Variants in PBX1 observed in about 807,000 individuals in gnomAD.
PBX1 encodes the protein pre-B-cell leukemia transcription factor 1.
A neutral mutation model predicts 53.4 loss-of-function variants in PBX1; 6 were observed. The ratio of observed to expected loss-of-function variants is 0.11; its 90% CI spans 0.06 to 0.22. The LOEUF (loss-of-function observed/expected upper bound fraction) is 0.22, where lower values mean the gene tolerates loss of function less well. Ranked by LOEUF, PBX1 falls within the 10% of genes least tolerant of loss-of-function variation. The pLI is 1.00. For synonymous variants in PBX1, 204 were observed against 212.3 expected (o/e 0.96, Z 0.34); for missense variants, 251 against 551.4 (o/e 0.46, Z 5.46).
chr1:164,664,355 G>C (rs796833035), intron 2 of PBX1, among the ~76,000 whole-genome samples: 16 of 152,244 alleles, frequency 1.1e-4, no homozygotes, highest in African/African-American at 3.9e-4. Flanking sequence ...TGCTGCCTTT[G>C]ACAACTGGTG....
intron 2 of PBX1, among the ~76,000 whole-genome samples, chr1:164,766,316 G>A (rs1667055719): frequency 6.6e-6 from 1 of 152,220 alleles, no homozygotes; most frequent in African/African-American, 2.4e-5. Context: ...CATCATTACA[G>A]ATTTAAGAAG....
intron 2 of PBX1, among the ~76,000 whole-genome samples, chr1:164,570,616 AT>A (rs1199986583): frequency 6.6e-6 from 1 of 152,176 alleles, no homozygotes; most frequent in Non-Finnish European, 1.5e-5. Flanking sequence ...ATTGATGGGC[AT>A]TTTGGTTGGT....
At chr1:164,874,217 TAA>T (rs956217976) in intron 2 of PBX1, among the ~76,000 whole-genome samples, 8 of 152,170 alleles carry the variant, frequency 5.3e-5, no homozygotes, top group Non-Finnish European at 8.8e-5. Context: ...GAATATAACT[TAA>T]TATAAGAACT....
chr1:164,876,432 G>C (rs1672512420), intron 2 of PBX1, among the ~76,000 whole-genome samples: 1 of 151,580 alleles, frequency 6.6e-6, no homozygotes, highest in Non-Finnish European at 1.5e-5. Context: ...ATTCTGGCCA[G>C]CTTGAAGAGG....
At chr1:164,656,563 A>G (rs1660179306) in intron 2 of PBX1, among the ~76,000 whole-genome samples, 1 of 152,150 alleles carries the variant, frequency 6.6e-6, no homozygotes, top group South Asian at 2.1e-4. Context: ...TAGACAAATT[A>G]TGAGGGGAAA....
At chr1:164,670,912 T>C (rs1661077639) in intron 2 of PBX1, among the ~76,000 whole-genome samples, 1 of 152,186 alleles carries the variant, frequency 6.6e-6, no homozygotes, top group South Asian at 2.1e-4. Context: ...CCTTATCTAA[T>C]GCAAATGGAG....
At chr1:164,667,499 A>G (rs1228649822) in intron 2 of PBX1, among the ~76,000 whole-genome samples, 1 of 152,138 alleles carries the variant, frequency 6.6e-6, no homozygotes, top group Non-Finnish European at 1.5e-5. Flanking sequence ...GCAGAACTAC[A>G]GAGAAGCAGT....
chr1:164,677,282 C>T (rs926781615), intron 2 of PBX1, among the ~76,000 whole-genome samples: 48 of 151,120 alleles, frequency 3.2e-4, no homozygotes, highest in Non-Finnish European at 6.0e-4. Flanking sequence ...TTAGTAGAGA[C>T]GGGGTTTCAC....
At position 164,584,934 on chromosome 1, in the gene PBX1, G is replaced by A. The variant is rs1654856954; in HGVS notation, c.265+21623G>A. Among the ~76,000 whole-genome samples the A allele has an allele frequency of 2.0e-5, 3 of 152,082 alleles. 1 individual carries two copies. The South Asian group carries it at 6.2e-4, about 32-fold the overall frequency. On this transcript the variant is annotated intron_variant, in intron 2 of 8. Coordinates refer to ENST00000420696, the MANE Select transcript of PBX1 (RefSeq NM_002585.4). ...CTAAACTAATTTTCTGTCTGTTCAT[G>A]TTGACCTTTTGTCCAGTTTTCCTCC...
chr1:164,790,402 A>G (rs1208831808), intron 2 of PBX1, among the ~76,000 whole-genome samples: 1 of 152,150 alleles, frequency 6.6e-6, no homozygotes, highest in East Asian at 1.9e-4. Context: ...CACTATGGCA[A>G]TTTTGTTTTT....
chr1:164,604,496 G>T (rs1348103435), intron 2 of PBX1, among the ~76,000 whole-genome samples: 1 of 152,186 alleles, frequency 6.6e-6, no homozygotes, highest in Non-Finnish European at 1.5e-5. Flanking sequence ...TGCCCTGCCA[G>T]TCAGGCCAGC....
rs150938398 is a variant in PBX1 at position 164,665,760 on chromosome 1, G to A, written c.265+102449G>A. On this transcript the variant is annotated intron_variant, in intron 2 of 8. Transcript: ENST00000420696. ...CTCAGGACCTAACATCAGGAATGTG[G>A]CCGCTTCCACCCCTAAACAACTACA... is the stretch of plus-strand genomic sequence containing the variant. 9.2e-5 allele frequency among the ~76,000 whole-genome samples: 14 copies of A among 152,282 alleles called. No homozygotes were observed. The East Asian group carries it at 2.7e-3, about 29-fold the overall frequency.
intron 2 of PBX1, among the ~76,000 whole-genome samples, chr1:164,737,684 G>A (rs1299096764): frequency 2.0e-5 from 3 of 152,064 alleles, no homozygotes; most frequent in African/African-American, 7.2e-5. Context: ...TCACCATGTT[G>A]GCCAGGCTGA....
intron 2 of PBX1, among the ~76,000 whole-genome samples, chr1:164,582,265 C>T (rs1654662546): frequency 6.6e-6 from 1 of 152,066 alleles, no homozygotes; most frequent in African/African-American, 2.4e-5. Flanking sequence ...AGGTTGGCTA[C>T]AGATTTGATT....
At chr1:164,822,032 A>T (rs905323849) in intron 8 of PBX1, among the ~76,000 whole-genome samples, 3 of 151,278 alleles carry the variant, frequency 2.0e-5, no homozygotes, top group African/African-American at 7.3e-5. Context: ...GAAAAAAAAA[A>T]TACTTTTTTT....
At chr1:164,742,631 G>A (rs1207818536) in intron 2 of PBX1, among the ~76,000 whole-genome samples, 1 of 152,064 alleles carries the variant, frequency 6.6e-6, no homozygotes, top group African/African-American at 2.4e-5. Flanking sequence ...GACACATTGA[G>A]GCCAATATCT....
At chr1:164,774,706 G>T (rs560896182) in intron 2 of PBX1, 1 of 152,214 alleles carries the variant, frequency 6.6e-6, no homozygotes, top group Non-Finnish European at 1.5e-5. Flanking sequence ...TGTGGAGGAC[G>T]TGGGCATCAG....
At chr1:164,626,350 G>T (rs1256877056) in intron 2 of PBX1, among the ~76,000 whole-genome samples, 1 of 152,050 alleles carries the variant, frequency 6.6e-6, no homozygotes, top group Non-Finnish European at 1.5e-5. Context: ...ACAGGCTTTT[G>T]AAAATGCCAT....
At chr1:164,785,551 A>G (rs1367108648) in intron 2 of PBX1, among the ~76,000 whole-genome samples, 1 of 152,178 alleles carries the variant, frequency 6.6e-6, no homozygotes, top group Admixed American at 6.5e-5. Flanking sequence ...TTCAGTTGTT[A>G]TCCACCCACC....
Sources: gnomAD v4.1 joint callset for allele counts (sites outside exome capture counted in the v4.1 genomes callset) on GRCh38, gnomAD v4.1.1 for gene constraint, MANE v1.5 for transcripts, NCBI Gene and HGNC (gene_info 2026-07-23, HGNC 2026-07-21) for gene names.